FERMT3: variants seen among roughly 807,000 people sequenced by gnomAD.
FERMT3 encodes FERM domain containing kindlin 3, also known as fermitin family homolog 3.
In FERMT3, 33 loss-of-function variants were observed where a neutral mutation model predicts 80.8. The ratio of observed to expected loss-of-function variants is 0.41; its 90% CI spans 0.31 to 0.55. FERMT3 has a LOEUF of 0.55. Among genes scored for constraint, FERMT3 ranks in the 20% least tolerant of loss-of-function variants. The pLI is 0.31. For missense variants in FERMT3, 754 were observed against 908.7 expected (o/e 0.83, Z 2.19); for synonymous variants, 375 against 372.2 (o/e 1.01, Z -0.09).
At chr11:64,223,269 C>T (rs773410213) in intron 14 of FERMT3, 44 bp from the exon 15 acceptor site, 1 of 1,613,090 alleles carries the variant, frequency 6.2e-7, no homozygotes, top group South Asian at 1.1e-5. Context: ...GCAGGGGCTG[C>T]TCCCTTATCC....
upstream of FERMT3, among the ~76,000 whole-genome samples, chr11:64,206,299 G>A (rs1446592617): frequency 6.6e-6 from 1 of 152,202 alleles, no homozygotes; most frequent in South Asian, 2.1e-4. Flanking sequence ...GATAGGGATA[G>A]CCAGGCTGGA....
In FERMT3 at chr11:64,219,290, C is replaced by G; in HGVS notation, c.826C>G (p.Arg276Gly). 6.2e-7 allele frequency: 1 copy of G among 1,608,498 alleles called. No homozygotes were observed. Among genetic ancestry groups the G allele is most frequent in the Non-Finnish European group, 8.5e-7 (1 of 1,177,766 alleles). ...VRLTQLYEQARWDLLLEEIDC... is the reference protein window; with the variant it reads ...VRLTQLYEQAGWDLLLEEIDC... ...GCTGACACAGCTGTATGAGCAGGCC[C>G]GGTGGGACCTGCTGCTGGAGGAGAT... The change falls in exon 7 of 15, where the codon CGG (arginine) becomes GGG (glycine). Residue 276 changes from arginine to glycine, a missense_variant. Coordinates refer to ENST00000345728, the MANE Select transcript of FERMT3 (RefSeq NM_031471.6). This position sits in a 1 kb window ranked among gnomAD's most constrained non-coding sequence, Gnocchi z 4.0.
At chr11:64,207,852 G>T in intron 2 of FERMT3, 1 of 248,208 alleles carries the variant, frequency 4.0e-6, no homozygotes, top group Admixed American at 5.3e-5. Flanking sequence ...AGGGGGTCTA[G>T]GTGACCCAGG....
At chr11:64,216,998 A>T (rs572906610) in intron 6 of FERMT3, among the ~76,000 whole-genome samples, 54 of 152,174 alleles carry the variant, frequency 3.5e-4, no homozygotes, top group African/African-American at 1.1e-3. Flanking sequence ...ATGCCTGTCC[A>T]TTCATATTTA....
intron 2 of FERMT3, among the ~76,000 whole-genome samples, chr11:64,209,150 G>A (rs1446474435): frequency 5.3e-5 from 8 of 152,312 alleles, no homozygotes; most frequent in African/African-American, 1.9e-4. Context: ...GGTGGTGTAG[G>A]GAGCTGGTGA....
Position 64,220,476 on chromosome 11 carries a change from C to T in FERMT3, c.1352C>T (p.Ala451Val). Residue 451 changes from alanine to valine, a missense_variant, in exon 12 of 15, where the codon GCC becomes GTC. By Grantham distance (64) the Ala-to-Val change is moderately conservative. Transcript: ENST00000345728. Reference protein sequence around the residue: ...YARWMAGCRLASKGRTMADSS... With the variant: ...YARWMAGCRLVSKGRTMADSS... Reference sequence around the variant, plus strand: ...CGCTGGATGGCTGGCTGCCGCCTGGCCTCCAAAGGCCGCACCATGGCCGAC... The same window carrying T: ...CGCTGGATGGCTGGCTGCCGCCTGGTCTCCAAAGGCCGCACCATGGCCGAC... 6.2e-7 allele frequency: 1 copy of T among 1,609,466 alleles called. No homozygotes were observed. Among genetic ancestry groups the T allele is most frequent in the Non-Finnish European group, 8.5e-7 (1 of 1,178,458 alleles).
intron 13 of FERMT3, 23 bp from the exon 14 acceptor site, chr11:64,223,025 C>G (rs774289491): frequency 1.1e-5 from 18 of 1,612,976 alleles, no homozygotes; most frequent in Middle Eastern, 1.6e-4. Flanking sequence ...AGCCCTGGCT[C>G]ACTCTCTCTC....
At position 64,207,286 on chromosome 11, in the gene FERMT3, C is replaced by T; in HGVS notation, c.-14-65C>T. 3.1e-6 allele frequency: 5 copies of T among 1,600,296 alleles called. No individual in the cohort carries two copies. The South Asian group carries it at 5.5e-5, about 18-fold the overall frequency. ...GGTGTGTCCAGGGCATCACAGAGCT[C>T]TTCTGCCCAAACCCGGAGGCCTACC... is the stretch of plus-strand genomic sequence containing the variant. On this transcript the variant is annotated intron_variant, in intron 1 of 14. Transcript: ENST00000345728.
In FERMT3 at chr11:64,223,026, ACT is replaced by A. The variant is rs1565298880; in HGVS notation, c.1671-14_1671-13del. 1 of 1,612,760 alleles carries A rather than the reference ACT, an allele frequency of 6.2e-7. No individual in the cohort carries two copies. The highest frequency in any genetic ancestry group is 8.5e-7 in the Non-Finnish European group (1 of 1,179,808). ...GCCATGCAGGGTGGAGCCCTGGCTC[ACT>A]CTCTCTCCCTGGGGGCCAGGTTCAA... On this transcript the variant is annotated intron_variant, in intron 13 of 14. Transcript: ENST00000345728.
At chr11:64,209,945 G>A (rs1285214093) in intron 2 of FERMT3, among the ~76,000 whole-genome samples, 1 of 152,212 alleles carries the variant, frequency 6.6e-6, no homozygotes, top group Non-Finnish European at 1.5e-5. Flanking sequence ...TGGCTGACAA[G>A]GGACAGACGC....
At position 64,211,638 on chromosome 11, in the gene FERMT3, G is replaced by C; in HGVS notation, c.684-7G>C. 6.2e-7 allele frequency: 1 copy of C among 1,613,492 alleles called. No individual in the cohort carries two copies. Among genetic ancestry groups the C allele is most frequent in the Non-Finnish European group, 8.5e-7 (1 of 1,179,950 alleles). On this transcript the variant is annotated splice_region_variant and splice_polypyrimidine_tract_variant and intron_variant, in intron 5 of 14. Coordinates refer to ENST00000345728, the MANE Select transcript of FERMT3 (RefSeq NM_031471.6). The surrounding 1 kb of genome is among the most constrained non-coding windows in gnomAD (Gnocchi z 4.7). ...CAGCCCTGACTGCTGCTTCTGCCGCGGCCCAGGTGGCTGGACTCGTCGCGG... is the reference window on the plus strand; with the variant it reads ...CAGCCCTGACTGCTGCTTCTGCCGCCGCCCAGGTGGCTGGACTCGTCGCGG...
chr11:64,211,532 A>G lies in FERMT3; in HGVS notation c.683+89A>G. ...GTGTCTGTGCCCACCCCAGATCCACACTTCGTTTCCAGGCCTTTTCTCTGT... is the reference window on the plus strand; with the variant it reads ...GTGTCTGTGCCCACCCCAGATCCACGCTTCGTTTCCAGGCCTTTTCTCTGT... On this transcript the variant is annotated intron_variant, in intron 5 of 14. Transcript: ENST00000345728. This position sits in a 1 kb window ranked among gnomAD's most constrained non-coding sequence, Gnocchi z 4.7. The G allele has an allele frequency of 6.6e-7, 1 of 1,508,448 alleles. No homozygotes were observed. Among genetic ancestry groups the G allele is most frequent in the Non-Finnish European group, 8.9e-7 (1 of 1,121,084 alleles). 93.4% of individuals were successfully genotyped at this position (1,508,448 alleles called of 1,614,324 possible). A position where few individuals can be genotyped will look rare whatever the true frequency, so the allele number is the denominator to read the frequency against.
At chr11:64,212,249 C>A (rs1467299823) in intron 6 of FERMT3, among the ~76,000 whole-genome samples, 37 of 152,240 alleles carry the variant, frequency 2.4e-4, no homozygotes, top group Admixed American at 2.4e-3. Flanking sequence ...CAACATGCTC[C>A]AGGCAAAATG....
In FERMT3 at chr11:64,223,581, CT is replaced by C; in HGVS notation, c.*90del. 1 of 1,457,180 alleles carries C rather than the reference CT, an allele frequency of 6.9e-7. No homozygotes were observed. Among genetic ancestry groups the C allele is most frequent in the Non-Finnish European group, 9.3e-7 (1 of 1,074,650 alleles). The allele number at this position is 1,457,180 out of a possible 1,614,324, so 90.3% of individuals were successfully genotyped here. ...ACAGGGGCTCACTGCCCCACACCCG[CT>C]CCAGGCAGGCACCCAGCTGGGCATT... On this transcript the variant is annotated 3_prime_UTR_variant, in exon 15 of 15. Coordinates refer to ENST00000345728, the MANE Select transcript of FERMT3 (RefSeq NM_031471.6).
intron 2 of FERMT3, among the ~76,000 whole-genome samples, chr11:64,208,778 T>A (rs1591024598): frequency 4.0e-5 from 6 of 151,682 alleles, no homozygotes. Flanking sequence ...TCTCGGCTGG[T>A]GAGGATGCTG....
chr11:64,207,443 C>A lies in FERMT3; in HGVS notation c.79C>A (p.Pro27Thr). Residue 27 changes from proline (P) to threonine (T), a missense_variant, in exon 2 of 15, where the codon CCA becomes ACA. By Grantham distance (38) the Pro-to-Thr change is conservative. Coordinates refer to ENST00000345728, the MANE Select transcript of FERMT3 (RefSeq NM_031471.6). ...GCGGGTGTTTGTGGGAGAGGAGGAC[C>A]CAGAGGCCGAGTCGGTCACCCTGCG... is the stretch of plus-strand genomic sequence containing the variant. ...ELRVFVGEEDPEAESVTLRVT... is the reference protein window; with the variant it reads ...ELRVFVGEEDTEAESVTLRVT... 1 of 1,614,088 alleles carries A rather than the reference C, an allele frequency of 6.2e-7. No individual in the cohort carries two copies. The highest frequency in any genetic ancestry group is 8.5e-7 in the Non-Finnish European group (1 of 1,179,996).
At chr11:64,208,737 C>CG (rs1423382956) in intron 2 of FERMT3, among the ~76,000 whole-genome samples, 1 of 151,870 alleles carries the variant, frequency 6.6e-6, no homozygotes, top group East Asian at 1.9e-4. Context: ...AAGGTGGTGG[C>CG]GCTGGGACTC....
At position 64,219,363 on chromosome 11, in the gene FERMT3, C is replaced by A; in HGVS notation, c.894+5C>A. On this transcript the variant is annotated splice_donor_5th_base_variant and intron_variant, in intron 7 of 14. Transcript: ENST00000345728. This position sits in a 1 kb window ranked among gnomAD's most constrained non-coding sequence, Gnocchi z 4.0. ...ATGGTGTTTGCCGCCCTGCAGGTAC[C>A]AGGCGGGCCTGGGGGCACCAGGGCA... 6.3e-7 allele frequency: 1 copy of A among 1,590,740 alleles called. No homozygotes were observed. Among genetic ancestry groups the A allele is most frequent in the Non-Finnish European group, 8.6e-7 (1 of 1,169,148 alleles).
chr11:64,220,393 A>G, intron 11 of FERMT3, 43 bp from the exon 12 acceptor site: 1 of 1,609,500 alleles, frequency 6.2e-7, no homozygotes, highest in Non-Finnish European at 8.5e-7. Context: ...GCTGAGGAGC[A>G]TCAAGCTTGG....
Sources: gnomAD v4.1 joint callset for allele counts (sites outside exome capture counted in the v4.1 genomes callset) on GRCh38, gnomAD v4.1.1 for gene constraint, Gnocchi (gnomAD v3.1) non-coding constraint, MANE v1.5 for transcripts, NCBI Gene and HGNC (gene_info 2026-07-23, HGNC 2026-07-21) for gene names.